NPAS3: variants seen among roughly 807,000 people sequenced by gnomAD.
The protein encoded by NPAS3 is neuronal PAS domain protein 3.
In NPAS3, 14 loss-of-function variants were observed where a neutral mutation model predicts 73.1. The ratio of observed to expected loss-of-function variants is 0.19; its 90% CI spans 0.13 to 0.30. The LOEUF is 0.30. Among genes scored for constraint, NPAS3 ranks in the 10% least tolerant of loss-of-function variants. The pLI, the probability that NPAS3 is intolerant of heterozygous loss-of-function variation, is 1.00. For synonymous variants in NPAS3, 620 were observed against 541.5 expected (o/e 1.14, Z -2.01); for missense variants, 1,096 against 1,250.0 (o/e 0.88, Z 1.86).
intron 9 of NPAS3, among the ~76,000 whole-genome samples, chr14:33,782,942 A>G (rs541321875): frequency 1.3e-5 from 2 of 152,284 alleles, no homozygotes; most frequent in East Asian, 1.9e-4. Flanking sequence ...TTTTGCATCA[A>G]TAACCCCTAC....
intron 7 of NPAS3, among the ~76,000 whole-genome samples, chr14:33,743,225 C>T (rs2061698083): frequency 6.6e-6 from 1 of 152,184 alleles, no homozygotes; most frequent in Non-Finnish European, 1.5e-5. Flanking sequence ...CCTTACAAAA[C>T]ATGGTTTCTA....
chr14:33,339,146 T>C (rs1303860714), intron 3 of NPAS3, among the ~76,000 whole-genome samples: 1 of 152,220 alleles, frequency 6.6e-6, no homozygotes, highest in Non-Finnish European at 1.5e-5. Flanking sequence ...CATAAAGTTT[T>C]CTGTTAGCCT....
At chr14:33,529,546 G>C (rs1350795741) in intron 4 of NPAS3, among the ~76,000 whole-genome samples, 1 of 152,048 alleles carries the variant, frequency 6.6e-6, no homozygotes, top group South Asian at 2.1e-4. Context: ...TCCTATATTT[G>C]TAGTGGTGAC....
chr14:33,138,000 G>T (rs537374608), intron 2 of NPAS3, among the ~76,000 whole-genome samples: 2 of 151,826 alleles, frequency 1.3e-5, no homozygotes, highest in African/African-American at 4.8e-5. Flanking sequence ...CAAAAATGAG[G>T]GATGGTGTAA....
intron 5 of NPAS3, chr14:33,608,697 A>G (rs968681806): frequency 2.6e-5 from 4 of 152,164 alleles, no homozygotes; most frequent in African/African-American, 9.7e-5. Context: ...TAAATAGGTA[A>G]ATTCATGTCA....
intron 3 of NPAS3, among the ~76,000 whole-genome samples, chr14:33,279,617 A>C (rs1026017360): frequency 6.6e-6 from 1 of 152,178 alleles, no homozygotes; most frequent in African/African-American, 2.4e-5. Flanking sequence ...ATTTAACAAG[A>C]TCTTCAGGTG....
intron 4 of NPAS3, among the ~76,000 whole-genome samples, chr14:33,465,841 C>A (rs1163665589): frequency 6.6e-6 from 1 of 151,550 alleles, no homozygotes; most frequent in Non-Finnish European, 1.5e-5. Flanking sequence ...TTTATTTGTT[C>A]TTAGTTTAGC....
chr14:33,196,124 T>C (rs1268254389), intron 2 of NPAS3, among the ~76,000 whole-genome samples: 1 of 151,930 alleles, frequency 6.6e-6, no homozygotes, highest in Non-Finnish European at 1.5e-5. Context: ...CCATGACTTG[T>C]AGATCGTATT....
At chr14:33,387,305 G>T (rs1392828871) in intron 4 of NPAS3, among the ~76,000 whole-genome samples, 2 of 152,162 alleles carry the variant, frequency 1.3e-5, no homozygotes, top group Non-Finnish European at 2.9e-5. Context: ...GAGGTTGGAT[G>T]TTGGGGTGGC....
chr14:33,060,914 A>G (rs2041073578), intron 2 of NPAS3, among the ~76,000 whole-genome samples: 2 of 152,344 alleles, frequency 1.3e-5, no homozygotes, highest in African/African-American at 2.4e-5. Flanking sequence ...TGAAAATACA[A>G]ATCCAGAATG....
At chr14:33,416,538 T>C (rs767475733) in intron 4 of NPAS3, among the ~76,000 whole-genome samples, 17 of 152,108 alleles carry the variant, frequency 1.1e-4, no homozygotes, top group Admixed American at 6.6e-5. Flanking sequence ...AACATAGACA[T>C]TAAAACATAG....
chr14:33,309,711 T>G (rs1275083313), intron 3 of NPAS3, among the ~76,000 whole-genome samples: 1 of 152,228 alleles, frequency 6.6e-6, no homozygotes, highest in Non-Finnish European at 1.5e-5. Context: ...CTTTAGAAGA[T>G]TCCATGTTTA....
intron 1 of NPAS3, among the ~76,000 whole-genome samples, chr14:33,001,961 G>T (rs1186412057): frequency 2.6e-5 from 4 of 152,108 alleles, no homozygotes; most frequent in Non-Finnish European, 5.9e-5. Flanking sequence ...CAGGCAGACT[G>T]GTCACAGCAG....
chr14:33,688,847 T>G (rs924754197), intron 6 of NPAS3, among the ~76,000 whole-genome samples: 1 of 152,146 alleles, frequency 6.6e-6, no homozygotes, highest in Middle Eastern at 3.2e-3. Context: ...AGCAGTAGAT[T>G]TTGGTGCAAA....
chr14:33,481,926 A>C (rs765544691), intron 4 of NPAS3, among the ~76,000 whole-genome samples: 2 of 152,162 alleles, frequency 1.3e-5, no homozygotes, highest in African/African-American at 2.4e-5. Flanking sequence ...AAAAGGCAAG[A>C]AAAGAAATTT....
intron 3 of NPAS3, among the ~76,000 whole-genome samples, chr14:33,320,414 T>A (rs2043391451): frequency 6.6e-6 from 1 of 152,192 alleles, no homozygotes. Context: ...GTTGTGCACG[T>A]GTACCCTAGA....
At chr14:33,253,105 T>C (rs1384388011) in intron 3 of NPAS3, among the ~76,000 whole-genome samples, 2 of 152,118 alleles carry the variant, frequency 1.3e-5, no homozygotes, top group Non-Finnish European at 2.9e-5. Context: ...GTCTTTCTTA[T>C]ATAATGATGT....
chr14:33,275,275 G>C (rs571245264), intron 3 of NPAS3, among the ~76,000 whole-genome samples: 1 of 152,074 alleles, frequency 6.6e-6, no homozygotes, highest in Non-Finnish European at 1.5e-5. Context: ...TTTATTACTC[G>C]TTAGCCACTT....
chr14:32,975,303 TCCC>T (rs1307770000), intron 1 of NPAS3, among the ~76,000 whole-genome samples: 9 of 142,318 alleles, frequency 6.3e-5, no homozygotes, highest in Admixed American at 2.8e-4. Context: ...CCTCCCTCCC[TCCC>T]TGCCTCCGTC....
Sources: allele counts gnomAD v4.1 joint callset (sites outside exome capture counted in the v4.1 genomes callset), GRCh38; gene constraint gnomAD v4.1.1; transcripts MANE v1.5; gene names NCBI Gene and HGNC (gene_info 2026-07-23, HGNC 2026-07-21).